ZBTB14: variants seen among roughly 807,000 people sequenced by gnomAD.
The protein encoded by ZBTB14 is zinc finger and BTB domain-containing protein 14.
Under a neutral mutation model 29.5 loss-of-function variants are expected in ZBTB14, and 8 were observed. The observed-to-expected ratio is 0.27, with a 90% CI of 0.16 to 0.49. The LOEUF is 0.49. Among genes scored for constraint, ZBTB14 ranks in the 20% least tolerant of loss-of-function variants. The pLI is 0.99. For missense variants in ZBTB14, 333 were observed against 563.8 expected (o/e 0.59, Z 4.15); for synonymous variants, 226 against 207.2 (o/e 1.09, Z -0.78).
At chr18:5,292,628 A>G (rs1189357043) in intron 3 of ZBTB14, among the ~76,000 whole-genome samples, 1 of 152,246 alleles carries the variant, frequency 6.6e-6, no homozygotes, top group South Asian at 2.1e-4. Flanking sequence ...AGATAATCAA[A>G]TAACTCAAAC....
rs948075809 is a variant in ZBTB14 at position 5,289,336 on chromosome 18, A to C, written c.*1522T>G. On this transcript the variant is annotated 3_prime_UTR_variant, in exon 4 of 4. Transcript: ENST00000651870. ...TAACACACACCAATTAAAAAATCAA[A>C]TTTCTTTCACAATAGAATTACAGGT... 1.3e-5 allele frequency: 2 copies of C among 152,210 alleles called. No homozygotes were observed. The highest frequency in any genetic ancestry group is 2.9e-5 in the Non-Finnish European group (2 of 68,030). The allele number at this position is 152,210 out of a possible 1,614,324, so 9.4% of individuals were successfully genotyped here. A position where few individuals can be genotyped will look rare whatever the true frequency, so the allele number is the denominator to read the frequency against.
At chr18:5,294,201 C>T (rs916060562) in intron 1 of ZBTB14, among the ~76,000 whole-genome samples, 200 bp from the exon 2 acceptor site, 6 of 152,204 alleles carry the variant, frequency 3.9e-5, no homozygotes, top group African/African-American at 1.4e-4. Flanking sequence ...AGCGTAGAAG[C>T]GGGATGTCTC....
Position 5,291,737 on chromosome 18 carries a change from G to A in ZBTB14, c.471C>T (p.Asp157=). 1 of 1,614,148 alleles carries A rather than the reference G, an allele frequency of 6.2e-7. No homozygotes were observed. Among genetic ancestry groups the A allele is most frequent in the Non-Finnish European group, 8.5e-7 (1 of 1,180,032 alleles). ...KINRPIGDAA[D]TQDDDVEEIG... ...TTTCCTCTACATCATCATCCTGGGTGTCAGCAGCATCTCCAATGGGGCGAT... is the reference window on the plus strand; with the variant it reads ...TTTCCTCTACATCATCATCCTGGGTATCAGCAGCATCTCCAATGGGGCGAT... Residue 157 remains aspartate (D), a synonymous_variant, in exon 4 of 4, where the codon GAC becomes GAT. Coordinates refer to ENST00000651870, the MANE Select transcript of ZBTB14 (RefSeq NM_001243702.2). The surrounding 1 kb of genome is among the most constrained non-coding windows in gnomAD (Gnocchi z 5.8).
chr18:5,295,344 G>A (rs1948574348), intron 1 of ZBTB14, among the ~76,000 whole-genome samples: 2 of 143,824 alleles, frequency 1.4e-5, no homozygotes, highest in East Asian at 4.2e-4. Flanking sequence ...ACCCGGGAGT[G>A]CGTGCGCTGG....
upstream of ZBTB14, chr18:5,296,186 T>G (rs1243013673): frequency 2.0e-5 from 3 of 150,664 alleles, no homozygotes; most frequent in Non-Finnish European, 4.4e-5. Flanking sequence ...ACGCTTTCGT[T>G]GGAGACTACG....
chr18:5,294,284 T>G (rs1193521147), intron 1 of ZBTB14, among the ~76,000 whole-genome samples: 1 of 152,212 alleles, frequency 6.6e-6, no homozygotes, highest in Non-Finnish European at 1.5e-5. Flanking sequence ...TTTCTGCCTC[T>G]CTATTCCCTA....
Position 5,290,981 on chromosome 18 carries a change from G to A in ZBTB14, c.1227C>T (p.Asn409=). The A allele has an allele frequency of 1.9e-6, 3 of 1,614,278 alleles. No individual in the cohort carries two copies. The highest frequency in any genetic ancestry group is 2.5e-6 in the Non-Finnish European group (3 of 1,180,060). The change falls in exon 4 of 4, where the codon AAC becomes AAT. Residue 409 remains asparagine (N), a synonymous_variant. Coordinates refer to ENST00000651870, the MANE Select transcript of ZBTB14 (RefSeq NM_001243702.2). ...CCTGCTTCCTTTCACTGTGCATATTGTTCTCGTGCCTTTTCAGATCAGATG... is the reference window on the plus strand; with the variant it reads ...CCTGCTTCCTTTCACTGTGCATATTATTCTCGTGCCTTTTCAGATCAGATG... The part of the protein sequence containing the change: ...AKASDLKRHE[N]NMHSERKQVT...
Position 5,290,647 on chromosome 18 carries a change from A to AC in ZBTB14, c.*210dup, listed in dbSNP as rs2071791037. The AC allele has an allele frequency of 6.2e-6, 4 of 641,368 alleles. No individual in the cohort carries two copies. Among genetic ancestry groups the AC allele is most frequent in the Non-Finnish European group, 1.0e-5 (4 of 397,176 alleles). The allele number at this position is 641,368 out of a possible 1,614,324, so 39.7% of individuals were successfully genotyped here. On this transcript the variant is annotated 3_prime_UTR_variant, in exon 4 of 4. Coordinates refer to ENST00000651870, the MANE Select transcript of ZBTB14 (RefSeq NM_001243702.2). ...TTACTGGGCAACATTAATACTAGAC[A>AC]CCAGACAAGACAGTGAAACGGTTTG...
At position 5,291,654 on chromosome 18, in the gene ZBTB14, T is replaced by G; in HGVS notation, c.554A>C (p.Gln185Pro). Residue 185 changes from glutamine (Q) to proline (P), a missense_variant, in exon 4 of 4, where the codon CAG (glutamine) becomes CCG (proline). By Grantham distance (76) the Gln-to-Pro change is moderately conservative. This residue lies in a region of ZBTB14 where 126 missense variants were observed against 132.2 expected (regional missense o/e 0.95). Transcript: ENST00000651870. The surrounding 1 kb of genome is among the most constrained non-coding windows in gnomAD (Gnocchi z 5.8). ...DDTVEGTPPS[Q>P]EDGKSPTTTL... ...TGTGGTGGGCGACTTGCCGTCCTCC[T>G]GACTCGGGGGTGTGCCTTCTACTGT... The G allele has an allele frequency of 6.2e-7, 1 of 1,614,100 alleles. No individual in the cohort carries two copies.
upstream of ZBTB14, chr18:5,296,922 C>T (rs764295323): frequency 6.6e-6 from 1 of 152,092 alleles, no homozygotes. Context: ...TGCTGTTGAA[C>T]CACGTCGCCT....
upstream of ZBTB14, among the ~76,000 whole-genome samples, chr18:5,296,410 C>T (rs1219195574): frequency 1.1e-4 from 16 of 150,062 alleles, no homozygotes; most frequent in Admixed American, 6.6e-5. Flanking sequence ...CCGGCGCCGG[C>T]GCAGCGCCGG....
upstream of ZBTB14, among the ~76,000 whole-genome samples, chr18:5,296,464 C>T (rs1464625699): frequency 6.7e-6 from 1 of 149,946 alleles, no homozygotes; most frequent in East Asian, 2.0e-4. Flanking sequence ...TGTGCGTGGG[C>T]CAGAGCCTCC....
upstream of ZBTB14, among the ~76,000 whole-genome samples, chr18:5,296,688 T>G (rs1021719546): frequency 6.6e-6 from 1 of 151,494 alleles, no homozygotes; most frequent in Admixed American, 6.6e-5. Context: ...AAAAGCGACG[T>G]CTTCGATTTG....
In ZBTB14 at chr18:5,293,417, C is replaced by T. The variant is rs2071864136; in HGVS notation, c.-81-90G>A. On this transcript the variant is annotated intron_variant, in intron 2 of 3. Coordinates refer to ENST00000651870, the MANE Select transcript of ZBTB14 (RefSeq NM_001243702.2). ...AATTGATTTTTTAAAAATAAACTTTCTTGTTCCCTCTTTTGTGCATTTTCA... is the reference window on the plus strand; with the variant it reads ...AATTGATTTTTTAAAAATAAACTTTTTTGTTCCCTCTTTTGTGCATTTTCA... 3 of 710,074 alleles carry T rather than the reference C, an allele frequency of 4.2e-6. No individual in the cohort carries two copies. The Admixed American group carries it at 8.9e-5, about 21-fold the overall frequency. The allele number at this position is 710,074 out of a possible 1,614,324, so 44.0% of individuals were successfully genotyped here. A position where few individuals can be genotyped will look rare whatever the true frequency, so the allele number is the denominator to read the frequency against.
rs2071793844 is a variant in ZBTB14, at chr18:5,290,754, G to A, written c.*104C>T. On this transcript the variant is annotated 3_prime_UTR_variant, in exon 4 of 4. Transcript: ENST00000651870. ...CTGCCTTAAGTCCAGTGAGTACAAT[G>A]TTCCATACGTTTCCACAAAAATATT... 6.6e-7 allele frequency: 1 copy of A among 1,505,256 alleles called. No homozygotes were observed. The highest frequency in any genetic ancestry group is 8.9e-7 in the Non-Finnish European group (1 of 1,119,744). The allele number at this position is 1,505,256 out of a possible 1,614,324, so 93.2% of individuals were successfully genotyped here.
At position 5,290,727 on chromosome 18, in the gene ZBTB14, C is replaced by T; in HGVS notation, c.*131G>A. On this transcript the variant is annotated 3_prime_UTR_variant, in exon 4 of 4. Coordinates refer to ENST00000651870, the MANE Select transcript of ZBTB14 (RefSeq NM_001243702.2). ...AAAGTCTTAAAAATAGCTAACCAAG[C>T]ACTGCCTTAAGTCCAGTGAGTACAA... 7.3e-7 allele frequency: 1 copy of T among 1,370,708 alleles called. No homozygotes were observed. The highest frequency in any genetic ancestry group is 9.9e-7 in the Non-Finnish European group (1 of 1,012,978). The allele number at this position is 1,370,708 out of a possible 1,614,324, so 84.9% of individuals were successfully genotyped here.
upstream of ZBTB14, chr18:5,296,272 G>C (rs556207012): frequency 4.5e-4 from 68 of 149,696 alleles, no homozygotes; most frequent in Non-Finnish European, 1.6e-4. Flanking sequence ...GCCCGCGCGC[G>C]GGAGAAGGAG....
At chr18:5,294,062 G>C (rs1337833509) in intron 1 of ZBTB14, 61 bp from the exon 2 acceptor site, 1 of 152,216 alleles carries the variant, frequency 6.6e-6, no homozygotes, top group South Asian at 2.1e-4. Flanking sequence ...GTTTGGTGTG[G>C]TAGGAGCAAA....
chr18:5,295,520 C>G (rs1009689272), intron 1 of ZBTB14, 132 bp downstream of exon 1: 4 of 144,346 alleles, frequency 2.8e-5, no homozygotes, highest in African/African-American at 5.0e-5. Context: ...ACTCGGCCGC[C>G]GAGGCTCTGC....
Sources: allele counts gnomAD v4.1 joint callset (sites outside exome capture counted in the v4.1 genomes callset), GRCh38; gene constraint gnomAD v4.1.1; regional missense constraint gnomAD v4.1.1; non-coding constraint Gnocchi (gnomAD v3.1); transcripts MANE v1.5; gene names NCBI Gene and HGNC (gene_info 2026-07-23, HGNC 2026-07-21).